Variants in SLC25A17 observed in about 807,000 individuals in gnomAD.
SLC25A17 encodes peroxisomal membrane protein PMP34.
A neutral mutation model predicts 38.5 loss-of-function variants in SLC25A17; 26 were observed. That is an observed-to-expected ratio of 0.68 (90% CI 0.50 to 0.94). The LOEUF (loss-of-function observed/expected upper bound fraction) is 0.94. Ranked by LOEUF, SLC25A17 falls within the 40% of genes least tolerant of loss-of-function variation. The pLI is 0.00. For synonymous variants in SLC25A17, 139 were observed against 136.2 expected (o/e 1.02, Z -0.14); for missense variants, 333 against 372.7 (o/e 0.89, Z 0.88).
intron 8 of SLC25A17, among the ~76,000 whole-genome samples, chr22:40,773,136 G>A (rs2057201870): frequency 1.3e-5 from 2 of 151,968 alleles, no homozygotes; most frequent in South Asian, 2.1e-4. Context: ...AAGGCTGGGC[G>A]CGGTGGCTCA....
At chr22:40,798,476 C>G (rs1057183542) in intron 2 of SLC25A17, among the ~76,000 whole-genome samples, 5 of 151,878 alleles carry the variant, frequency 3.3e-5, no homozygotes, top group Non-Finnish European at 5.9e-5. Flanking sequence ...AGTCAAGGGG[C>G]CTCTAGAGTG....
chr22:40,797,256 T>C (rs1205368336), intron 2 of SLC25A17: 14 of 1,181,762 alleles, frequency 1.2e-5, no homozygotes, highest in Non-Finnish European at 2.3e-6. Context: ...GGTTTAACCT[T>C]TGAATTACTA....
intron 2 of SLC25A17, 74 bp from the exon 3 acceptor site, chr22:40,794,654 C>G (rs1200931555): frequency 6.2e-6 from 5 of 805,476 alleles, no homozygotes; most frequent in Non-Finnish European, 9.6e-6. Flanking sequence ...GAGTCTCACT[C>G]TGTCGCCCAG....
chr22:40,789,579 T>A lies in SLC25A17; in HGVS notation c.334+2946A>T, dbSNP rs2057367567. 6.6e-6 allele frequency among the ~76,000 whole-genome samples: 1 copy of A among 151,896 alleles called. No individual in the cohort carries two copies. The highest frequency in any genetic ancestry group is 2.1e-4 in the South Asian group (1 of 4,806). ...TGGAGTGCAGTGGCATGATCTTGGC[T>A]CACTGCAACCTCTGCCTGCCAGGTT... On this transcript the variant is annotated intron_variant, in intron 4 of 8. Transcript: ENST00000435456. This position sits in a 1 kb window ranked among gnomAD's most constrained non-coding sequence, Gnocchi z 4.5.
intron 1 of SLC25A17, chr22:40,817,118 CCCA>C (rs1182475576): frequency 6.6e-6 from 1 of 152,202 alleles, no homozygotes; most frequent in East Asian, 1.9e-4. Flanking sequence ...AACTATTTCC[CCCA>C]CCACTCCACC....
intron 1 of SLC25A17, among the ~76,000 whole-genome samples, chr22:40,805,973 T>C (rs998138708): frequency 5.3e-5 from 8 of 152,260 alleles, no homozygotes; most frequent in Non-Finnish European, 1.0e-4. Flanking sequence ...GTTGACTGAC[T>C]GGGTGCCACA....
intron 1 of SLC25A17, 119 bp from the exon 2 acceptor site, chr22:40,799,202 C>G (rs1257233765): frequency 5.7e-6 from 2 of 348,826 alleles, no homozygotes; most frequent in Admixed American, 1.1e-4. Flanking sequence ...TTTACGGCAG[C>G]CTTGAACTCT....
At chr22:40,798,660 T>TA (rs10640211) in intron 2 of SLC25A17, among the ~76,000 whole-genome samples, 4,730 of 74,328 alleles carry the variant, frequency 0.064, 334 homozygotes, top group African/African-American at 0.17. Flanking sequence ...CACACATACA[T>TA]AAAAAAAAAA....
chr22:40,776,244 T>A (rs1349688207), intron 7 of SLC25A17: 1 of 461,500 alleles, frequency 2.2e-6, no homozygotes, highest in South Asian at 1.6e-5. Flanking sequence ...GACTTTTATT[T>A]ACCACTGCAT....
At chr22:40,779,401 C>G in intron 4 of SLC25A17, 1 of 736,432 alleles carries the variant, frequency 1.4e-6, no homozygotes, top group Non-Finnish European at 2.1e-6. Flanking sequence ...ATCTATTTGT[C>G]AATTTATATA....
chr22:40,795,795 CTTTTTTT>C (rs1221453234), intron 2 of SLC25A17, among the ~76,000 whole-genome samples: 2 of 146,588 alleles, frequency 1.4e-5, no homozygotes, highest in South Asian at 4.3e-4. Context: ...TTTCTTTTTT[CTTTTTTT>C]TTTGAGACGG....
intron 1 of SLC25A17, among the ~76,000 whole-genome samples, chr22:40,809,789 A>T (rs1356871986): frequency 6.6e-6 from 1 of 152,158 alleles, no homozygotes; most frequent in African/African-American, 2.4e-5. Flanking sequence ...GTTTGAACAG[A>T]GGCCATTAAC....
chr22:40,773,817 G>A, intron 8 of SLC25A17, 120 bp downstream of exon 8: 1 of 739,442 alleles, frequency 1.4e-6, no homozygotes, highest in African/African-American at 1.7e-5. Flanking sequence ...GCAAGCAAGG[G>A]AAAGGTTTTG....
At position 40,789,030 on chromosome 22, in the gene SLC25A17, C is replaced by A; in HGVS notation, c.334+3495G>T. 1 of 303,130 alleles carries A rather than the reference C, an allele frequency of 3.3e-6. No individual in the cohort carries two copies. Among genetic ancestry groups the A allele is most frequent in the African/African-American group, 2.3e-5 (1 of 44,278 alleles). 18.8% of individuals were successfully genotyped at this position (303,130 alleles called of 1,614,324 possible). A position where few individuals can be genotyped will look rare whatever the true frequency, so the allele number is the denominator to read the frequency against. Reference sequence around the variant, plus strand: ...GTGTTTCCATGGACTTCTTCGTATTCTCATAGTATGGGTTCCATCCTATGC... The same window carrying A: ...GTGTTTCCATGGACTTCTTCGTATTATCATAGTATGGGTTCCATCCTATGC... On this transcript the variant is annotated intron_variant, in intron 4 of 8. Coordinates refer to ENST00000435456, the MANE Select transcript of SLC25A17 (RefSeq NM_006358.4). The surrounding 1 kb of genome is among the most constrained non-coding windows in gnomAD (Gnocchi z 4.5).
chr22:40,777,011 C>CA (rs2057249792), intron 7 of SLC25A17, 29 bp downstream of exon 7: 7 of 1,584,850 alleles, frequency 4.4e-6, no homozygotes, highest in Non-Finnish European at 6.1e-6. Context: ...TGCTGTTTGA[C>CA]TAAATGCGAA....
rs1185507508 is a variant in SLC25A17, at chr22:40,777,031, AG to A, written c.693+8del. 5 of 1,612,440 alleles carry A rather than the reference AG, an allele frequency of 3.1e-6. No homozygotes were observed. The highest frequency in any genetic ancestry group is 3.4e-6 in the Non-Finnish European group (4 of 1,178,504). The stretch of plus-strand genomic sequence containing the variant: ...TTTGACTAAATGCGAAGAGAACTCC[AG>A]CACTCACCCTCAGAATTGACTGTAC... On this transcript the variant is annotated splice_region_variant and intron_variant, in intron 7 of 8. Coordinates refer to ENST00000435456, the MANE Select transcript of SLC25A17 (RefSeq NM_006358.4).
At chr22:40,785,510 T>G (rs1383270673) in intron 4 of SLC25A17, among the ~76,000 whole-genome samples, 1 of 152,172 alleles carries the variant, frequency 6.6e-6, no homozygotes, top group South Asian at 2.1e-4. Context: ...GCAGAGGTCA[T>G]AGCAGGTACA....
At chr22:40,773,410 CAA>C (rs59479764) in intron 8 of SLC25A17, among the ~76,000 whole-genome samples, 565 of 74,292 alleles carry the variant, frequency 7.6e-3, no homozygotes, top group African/African-American at 0.028. Context: ...ACTCTGTCTC[CAA>C]AAAAAAAAAA....
At chr22:40,784,024 C>A (rs1345721617) in intron 4 of SLC25A17, among the ~76,000 whole-genome samples, 1 of 151,990 alleles carries the variant, frequency 6.6e-6, no homozygotes, top group East Asian at 1.9e-4. Context: ...TCTTTCTAAC[C>A]CTCAGTACTC....
Sources: gnomAD v4.1 joint callset for allele counts (sites outside exome capture counted in the v4.1 genomes callset) on GRCh38, gnomAD v4.1.1 for gene constraint, Gnocchi (gnomAD v3.1) non-coding constraint, MANE v1.5 for transcripts, NCBI Gene and HGNC (gene_info 2026-07-23, HGNC 2026-07-21) for gene names.